The following CCDC178 variants were observed in gnomAD, a reference collection of about 807,000 sequenced individuals.
CCDC178 encodes the protein coiled-coil domain containing 178.
CCDC178 carries 126 observed loss-of-function variants against 117.4 expected under a neutral mutation model. The ratio of observed to expected loss-of-function variants is 1.07; its 90% CI spans 0.93 to 1.24. The LOEUF is 1.24. Among genes scored for constraint, CCDC178 ranks in the 50% most tolerant of loss-of-function variants. The probability of loss-of-function intolerance (pLI) is 0.00; values close to 1 mark genes in which losing one functional copy is unlikely to be tolerated. For synonymous variants in CCDC178, 283 were observed against 313.4 expected, an observed-to-expected ratio of 0.90 and a Z score of 1.02; for missense variants, 1,030 against 986.9, an observed-to-expected ratio of 1.04 and a Z score of -0.59.
At chr18:33,228,411 T>A (rs191833565) in intron 15 of CCDC178, among the ~76,000 whole-genome samples, 1 of 152,196 alleles carries the variant, frequency 6.6e-6, no homozygotes, top group Non-Finnish European at 1.5e-5. Context: ...TTAATATTGT[T>A]TGAAAAGAAC....
intron 22 of CCDC178, among the ~76,000 whole-genome samples, chr18:32,971,838 T>C (rs1237675216): frequency 1.3e-5 from 2 of 152,196 alleles, no homozygotes; most frequent in African/African-American, 4.8e-5. Context: ...GAAGTGTCTG[T>C]TCATATCCTT....
intron 15 of CCDC178, among the ~76,000 whole-genome samples, chr18:33,239,472 G>T (rs1157813046): frequency 1.3e-5 from 2 of 149,648 alleles, no homozygotes; most frequent in African/African-American, 4.9e-5. Context: ...TCATTAACCT[G>T]TAATGACACA....
intron 14 of CCDC178, among the ~76,000 whole-genome samples, chr18:33,262,713 G>A (rs1440517315): frequency 1.3e-5 from 2 of 152,072 alleles, no homozygotes; most frequent in Non-Finnish European, 2.9e-5. Context: ...CACATCAAAA[G>A]TGTAACTCTG....
chr18:32,998,031 C>G (rs1303985435), intron 21 of CCDC178, among the ~76,000 whole-genome samples: 1 of 152,174 alleles, frequency 6.6e-6, no homozygotes, highest in Non-Finnish European at 1.5e-5. Flanking sequence ...TGAGCAATCA[C>G]AGTACCTGGT....
At chr18:33,312,220 C>T (rs1164995864) in intron 11 of CCDC178, among the ~76,000 whole-genome samples, 6 of 152,070 alleles carry the variant, frequency 3.9e-5, no homozygotes, top group African/African-American at 1.2e-4. Context: ...CTAAAAGATG[C>T]CTTTTAGATG....
intron 20 of CCDC178, among the ~76,000 whole-genome samples, chr18:33,096,160 AC>A (rs1423569727): frequency 1.4e-5 from 2 of 144,406 alleles, no homozygotes; most frequent in Non-Finnish European, 3.0e-5. Context: ...CATAGATTCC[AC>A]TTGGACTTTT....
intron 20 of CCDC178, among the ~76,000 whole-genome samples, chr18:33,096,353 T>A (rs1441962024): frequency 2.6e-5 from 3 of 113,902 alleles, no homozygotes; most frequent in African/African-American, 9.1e-5. Context: ...ATATTTTATA[T>A]AAAAATATAA....
At chr18:33,246,342 G>C (rs562084518) in intron 14 of CCDC178, among the ~76,000 whole-genome samples, 1 of 151,870 alleles carries the variant, frequency 6.6e-6, no homozygotes, top group South Asian at 2.1e-4. Context: ...GGATGGGTCT[G>C]AGAATAGCTC....
chr18:32,992,139 T>C (rs1414897823), intron 21 of CCDC178, among the ~76,000 whole-genome samples: 2 of 152,206 alleles, frequency 1.3e-5, no homozygotes, highest in African/African-American at 2.4e-5. Flanking sequence ...CTGTAACAAC[T>C]TGTCAAATCA....
At chr18:33,106,443 G>A (rs1037314893) in intron 20 of CCDC178, among the ~76,000 whole-genome samples, 12 of 151,606 alleles carry the variant, frequency 7.9e-5, no homozygotes, top group African/African-American at 2.9e-4. Flanking sequence ...GCCTTTATAC[G>A]GAAACCTGTT....
intron 22 of CCDC178, among the ~76,000 whole-genome samples, chr18:32,942,035 C>T (rs2054249307): frequency 6.6e-6 from 1 of 152,092 alleles, no homozygotes; most frequent in Admixed American, 6.5e-5. Flanking sequence ...CTGTTGCCAT[C>T]CCACCCAGTT....
At chr18:32,945,086 A>T (rs548247469) in intron 22 of CCDC178, among the ~76,000 whole-genome samples, 1 of 152,282 alleles carries the variant, frequency 6.6e-6, no homozygotes, top group South Asian at 2.1e-4. Flanking sequence ...TGTGAATTTG[A>T]TTGTTTCAAA....
At chr18:33,423,122 T>C (rs1273854599) in intron 2 of CCDC178, among the ~76,000 whole-genome samples, 2 of 152,106 alleles carry the variant, frequency 1.3e-5, no homozygotes, top group Non-Finnish European at 2.9e-5. Context: ...TAGTGAAAAA[T>C]TGCATAACAG....
At chr18:33,414,383 A>G (rs1040733436) in intron 2 of CCDC178, among the ~76,000 whole-genome samples, 1 of 152,198 alleles carries the variant, frequency 6.6e-6, no homozygotes, top group Non-Finnish European at 1.5e-5. Context: ...CAGAGCCCTC[A>G]GAAATAACAC....
At chr18:33,287,885 T>A (rs1255292067) in intron 12 of CCDC178, among the ~76,000 whole-genome samples, 2 of 152,168 alleles carry the variant, frequency 1.3e-5, no homozygotes, top group Non-Finnish European at 2.9e-5. Flanking sequence ...TATAAAAAAC[T>A]GATTGTAGGT....
intron 4 of CCDC178, among the ~76,000 whole-genome samples, chr18:33,394,968 T>C (rs1195030238): frequency 1.5e-5 from 2 of 134,342 alleles, no homozygotes; most frequent in Non-Finnish European, 3.2e-5. Flanking sequence ...TATATATATA[T>C]ATATATATAT....
intron 15 of CCDC178, among the ~76,000 whole-genome samples, chr18:33,228,429 T>A (rs76754478): frequency 0.088 from 13,428 of 152,284 alleles, 712 homozygotes; most frequent in African/African-American, 0.15. Flanking sequence ...AACTTGTGGA[T>A]GTGTGGCTTG....
intron 6 of CCDC178, among the ~76,000 whole-genome samples, chr18:33,365,235 G>A (rs2063185993): frequency 6.6e-6 from 1 of 152,096 alleles, no homozygotes; most frequent in Non-Finnish European, 1.5e-5. Flanking sequence ...AGAGTCAGGT[G>A]TTAAATGTTA....
intron 6 of CCDC178, among the ~76,000 whole-genome samples, chr18:33,365,958 C>G (rs1204434595): frequency 6.6e-6 from 1 of 152,052 alleles, no homozygotes; most frequent in Non-Finnish European, 1.5e-5. Context: ...TAACTCCACT[C>G]TGAAGAGTTT....
Sources: gnomAD v4.1 joint callset for allele counts (sites outside exome capture counted in the v4.1 genomes callset) on GRCh38, gnomAD v4.1.1 for gene constraint, MANE v1.5 for transcripts, NCBI Gene and HGNC (gene_info 2026-07-23, HGNC 2026-07-21) for gene names.